The following ITGAE variants were observed in gnomAD, a reference collection of about 807,000 sequenced individuals.
The protein encoded by ITGAE is integrin alpha-E.
In ITGAE, 99 loss-of-function variants were observed where a neutral mutation model predicts 136.5. The observed-to-expected ratio is 0.73, with a 90% CI of 0.62 to 0.86. The LOEUF is 0.86. Ranked by LOEUF, ITGAE falls within the 40% of genes least tolerant of loss-of-function variation. The pLI is 0.00. For missense variants in ITGAE, 1,447 were observed against 1,515.3 expected, an observed-to-expected ratio of 0.95 and a Z score of 0.75; for synonymous variants, 613 against 591.8, an observed-to-expected ratio of 1.04 and a Z score of -0.52.
chr17:3,757,777 C>T lies in ITGAE; in HGVS notation c.949G>A (p.Glu317Lys), dbSNP rs780035038. The change falls in exon 9 of 31, where the codon GAG becomes AAG. Residue 317 changes from glutamate to lysine, a missense_variant. Glu to Lys is a moderately conservative substitution (Grantham distance 56). Transcript: ENST00000263087. ...ACTGTCGTAAGGTTGAGGGGGTCCT[C>T]GAATATGCCACCATCGGTGAGCACC... ...MVVLTDGGIF[E>K]DPLNLTTVIN... is the part of the protein sequence containing the mutation. 1.5e-5 allele frequency: 25 copies of T among 1,613,964 alleles called. No individual in the cohort carries two copies. The highest frequency in any genetic ancestry group is 1.9e-5 in the Non-Finnish European group (23 of 1,180,034).
Position 3,723,323 on chromosome 17 carries a change from C to G in ITGAE, c.3202G>C (p.Val1068Leu), listed in dbSNP as rs1324056348. Residue 1068 changes from valine to leucine, a missense_variant, in exon 28 of 31, where the codon GTG (valine) becomes CTG (leucine). Coordinates refer to ENST00000263087, the MANE Select transcript of ITGAE (RefSeq NM_002208.5). ...TGATCCCAGGAGATCTCTGCAGCCA[C>G]GGTGACATTTTCTTTATCTGAAGCG... ...VIASDKENVT[V>L]AAEISWDHSE... is the part of the protein sequence containing the mutation. The G allele has an allele frequency of 6.2e-7, 1 of 1,613,686 alleles. No individual in the cohort carries two copies. Among genetic ancestry groups the G allele is most frequent in the Non-Finnish European group, 8.5e-7 (1 of 1,179,686 alleles).
chr17:3,789,832 C>T (rs1312862082), intron 1 of ITGAE, among the ~76,000 whole-genome samples: 5 of 152,070 alleles, frequency 3.3e-5, no homozygotes, highest in African/African-American at 7.2e-5. Flanking sequence ...TCATCTGGCC[C>T]TTATAAAAAT....
chr17:3,723,863 G>A lies in ITGAE; in HGVS notation c.3085-119C>T, dbSNP rs2051126472. 2.0e-6 allele frequency: 3 copies of A among 1,517,426 alleles called. No homozygotes were observed. The Admixed American group carries it at 6.5e-5, about 33-fold the overall frequency. 94.0% of individuals were successfully genotyped at this position (1,517,426 alleles called of 1,614,324 possible). A position where few individuals can be genotyped will look rare whatever the true frequency, so the allele number is the denominator to read the frequency against. ...GCAGGGCCGGGAGCTAGGACCCCGC[G>A]GCAGGCGGGCGCGTCCGCGTCGCAC... On this transcript the variant is annotated intron_variant, in intron 26 of 30. Transcript: ENST00000263087.
chr17:3,780,406 G>A (rs924217031), intron 1 of ITGAE, among the ~76,000 whole-genome samples: 3 of 151,856 alleles, frequency 2.0e-5, no homozygotes, highest in Non-Finnish European at 2.9e-5. Context: ...CTCGTGATCC[G>A]CCCACCTCGG....
In ITGAE at chr17:3,739,761, G is replaced by A. The variant is rs77515102; in HGVS notation, c.2522+44C>T. The stretch of plus-strand genomic sequence containing the variant: ...GAAGGAATTGCCCAGGCAAGCGTTC[G>A]GGAGAAGGTTAATCGAGGAAACTGA... On this transcript the variant is annotated intron_variant, in intron 20 of 30. Coordinates refer to ENST00000263087, the MANE Select transcript of ITGAE (RefSeq NM_002208.5). The A allele has an allele frequency of 1.7e-4, 263 of 1,540,400 alleles. No homozygotes were observed. The African/African-American group carries it at 3.1e-3, about 18-fold the overall frequency.
chr17:3,752,276 C>G (rs1402477560), intron 14 of ITGAE, among the ~76,000 whole-genome samples: 1 of 152,220 alleles, frequency 6.6e-6, no homozygotes, highest in African/African-American at 2.4e-5. Flanking sequence ...AATGGGAGGC[C>G]TGGGTTTCAC....
intron 1 of ITGAE, among the ~76,000 whole-genome samples, chr17:3,790,942 CAGG>C (rs2064533409): frequency 6.6e-6 from 1 of 152,034 alleles, no homozygotes; most frequent in Non-Finnish European, 1.5e-5. Flanking sequence ...ATCACGAGGT[CAGG>C]AGATCGAGAC....
rs72345629 is a variant in ITGAE, at chr17:3,776,962, C to CTTT, written c.155+575_155+577dup. Among the ~76,000 whole-genome samples, 76 of 138,062 alleles carry CTTT rather than the reference C, an allele frequency of 5.5e-4. 1 individual carries two copies. The East Asian group carries it at 7.0e-3, about 13-fold the overall frequency. The allele number at this position is 138,062 out of a possible 152,430, so 90.6% of individuals were successfully genotyped here. On this transcript the variant is annotated intron_variant, in intron 2 of 30. Transcript: ENST00000263087. ...TTAATATGCTTTATTTTAAAATTGT[C>CTTT]TTTTTTTTTTTTTTTTGAGACGGAG...
At chr17:3,785,516 A>AAGGG (rs1478585158) in intron 1 of ITGAE, among the ~76,000 whole-genome samples, 5 of 143,770 alleles carry the variant, frequency 3.5e-5, no homozygotes, top group East Asian at 2.0e-4. Context: ...GGAAGGAAGG[A>AAGGG]AGGAAGGAAG....
In ITGAE at chr17:3,728,030, C is replaced by T. The variant is rs147613723; in HGVS notation, c.2977-4G>A. On this transcript the variant is annotated splice_region_variant and splice_polypyrimidine_tract_variant and intron_variant, in intron 25 of 30. Coordinates refer to ENST00000263087, the MANE Select transcript of ITGAE (RefSeq NM_002208.5). ...CAAAGAGGTTCTCCCCATGTACCTG[C>T]AAATTAAAATCAGAGTAGGAAATCA... The T allele has an allele frequency of 6.2e-7, 1 of 1,612,324 alleles. No individual in the cohort carries two copies. The highest frequency in any genetic ancestry group is 8.5e-7 in the Non-Finnish European group (1 of 1,178,492).
rs1303835558 is a variant in ITGAE, at chr17:3,759,329, C to A, written c.866+73G>T. Reference sequence around the variant, plus strand: ...TCTCTTCTCCTGCGGTTCTGGCCAGCCACTTCCTCCATGAGTGATGCCACA... The same window carrying A: ...TCTCTTCTCCTGCGGTTCTGGCCAGACACTTCCTCCATGAGTGATGCCACA... On this transcript the variant is annotated intron_variant, in intron 8 of 30. Transcript: ENST00000263087. 1.9e-5 allele frequency: 30 copies of A among 1,549,928 alleles called. No individual in the cohort carries two copies. In the East Asian group the frequency reaches 6.4e-4, roughly 33 times the overall value.
At chr17:3,735,459 G>C (rs1380475681) in intron 20 of ITGAE, among the ~76,000 whole-genome samples, 19 of 152,006 alleles carry the variant, frequency 1.2e-4, no homozygotes. Context: ...GAGCCACCCA[G>C]CCTGGCCAAT....
chr17:3,767,229 T>G (rs2052321246), intron 2 of ITGAE, among the ~76,000 whole-genome samples: 1 of 152,138 alleles, frequency 6.6e-6, no homozygotes, highest in Non-Finnish European at 1.5e-5. Flanking sequence ...CCCAAAGTGC[T>G]GCGATTACAG....
chr17:3,797,661 G>A (rs1429528501), intron 1 of ITGAE, among the ~76,000 whole-genome samples: 3 of 151,174 alleles, frequency 2.0e-5, no homozygotes, highest in Non-Finnish European at 4.4e-5. Context: ...GGGTTTCACC[G>A]TGTTGGCCAG....
chr17:3,751,031 C>G (rs2051851848), intron 15 of ITGAE, among the ~76,000 whole-genome samples: 1 of 151,776 alleles, frequency 6.6e-6, no homozygotes, highest in Non-Finnish European at 1.5e-5. Context: ...TGGGAACTGA[C>G]AGGCTGTGCA....
At chr17:3,768,512 C>T (rs753982464) in intron 2 of ITGAE, among the ~76,000 whole-genome samples, 3 of 152,190 alleles carry the variant, frequency 2.0e-5, no homozygotes, top group Non-Finnish European at 4.4e-5. Flanking sequence ...GGGTGACCAG[C>T]GCCAGCATTT....
Position 3,752,484 on chromosome 17 carries a change from G to A in ITGAE, c.1669-610C>T, listed in dbSNP as rs180904301. On this transcript the variant is annotated intron_variant, in intron 14 of 30. Transcript: ENST00000263087. ...GTAAGAGATGTTATCAGCTGGGCGC[G>A]GTGACTCACGCCCATAATCTCATCA... Among the ~76,000 whole-genome samples the A allele has an allele frequency of 5.2e-3, 793 of 152,304 alleles. 11 individuals carry two copies. The highest frequency in any genetic ancestry group is 0.018 in the African/African-American group (763 of 41,558).
chr17:3,796,095 G>GTGTGTGCATCCC (rs2053084774), intron 1 of ITGAE, among the ~76,000 whole-genome samples: 1 of 80,266 alleles, frequency 1.2e-5, no homozygotes, highest in African/African-American at 7.0e-5. Flanking sequence ...GTATGCATCC[G>GTGTGTGCATCCC]TGTGTGTGCA....
At chr17:3,796,649 G>A (rs2053112591) in intron 1 of ITGAE, among the ~76,000 whole-genome samples, 1 of 151,340 alleles carries the variant, frequency 6.6e-6, no homozygotes, top group Non-Finnish European at 1.5e-5. Context: ...ACCAGTGTCT[G>A]TCACCACACT....
Sources: gnomAD v4.1 joint callset for allele counts (sites outside exome capture counted in the v4.1 genomes callset) on GRCh38, gnomAD v4.1.1 for gene constraint, MANE v1.5 for transcripts, NCBI Gene and HGNC (gene_info 2026-07-23, HGNC 2026-07-21) for gene names.